TFAP2D: variants seen among roughly 807,000 people sequenced by gnomAD.
TFAP2D encodes the protein transcription factor AP-2 delta.
Under a neutral mutation model 43.6 loss-of-function variants are expected in TFAP2D, and 9 were observed. The observed-to-expected ratio is 0.21, with a 90% CI of 0.12 to 0.36. The LOEUF is 0.36. Ranked by LOEUF, TFAP2D falls within the 10% of genes least tolerant of loss-of-function variation. The pLI is 1.00. For missense variants in TFAP2D, 513 were observed against 561.4 expected (o/e 0.91, Z 0.87); for synonymous variants, 256 against 224.9 (o/e 1.14, Z -1.24).
At chr6:50,733,907 C>T (rs187696334) in intron 5 of TFAP2D, among the ~76,000 whole-genome samples, 2 of 151,910 alleles carry the variant, frequency 1.3e-5, no homozygotes, top group Non-Finnish European at 2.9e-5. Flanking sequence ...ATTATTTAAG[C>T]TCGTAAATAT....
intron 7 of TFAP2D, among the ~76,000 whole-genome samples, chr6:50,761,199 C>G (rs180776653): frequency 4.0e-4 from 60 of 150,114 alleles, no homozygotes; most frequent in Middle Eastern, 6.9e-3. Context: ...GAATAATAAC[C>G]CAAACACCAT....
rs1334843719 is a variant in TFAP2D, at chr6:50,715,140, T to C, written c.64T>C (p.Tyr22His). The C allele has an allele frequency of 1.9e-6, 3 of 1,614,058 alleles. No homozygotes were observed. The highest frequency in any genetic ancestry group is 1.7e-6 in the Non-Finnish European group (2 of 1,180,010). The change falls in exon 2 of 8, where the codon TAC becomes CAC. Residue 22 changes from tyrosine to histidine, a missense_variant. Tyr to His is a moderately conservative substitution (Grantham distance 83). Around this residue, in one of 3 missense-constraint regions of TFAP2D, gnomAD observed 311 missense variants for 316.2 expected, o/e 0.98. Coordinates refer to ENST00000008391, the MANE Select transcript of TFAP2D (RefSeq NM_172238.4). ...AEIRHDGSNS[Y>H]RLMQLGCLES... is the part of the protein sequence containing the mutation. ...GATACGTCACGACGGATCAAACAGC[T>C]ACCGTTTGATGCAGCTTGGCTGTCT...
Position 50,772,658 on chromosome 6 carries a change from G to C in TFAP2D, c.1153G>C (p.Gly385Arg). Residue 385 changes from glycine to arginine, a missense_variant, in exon 8 of 8, where the codon GGC (glycine) becomes CGC (arginine). Gly to Arg is a moderately radical substitution (Grantham distance 125). This residue lies in a region of TFAP2D where 199 missense variants were observed against 227.9 expected (regional missense o/e 0.87). Transcript: ENST00000008391. ...TCTCATTTCCAGTTTGATCACTCAT[G>C]GCTTTGGGACTCCGGCAATATGTGC... The part of the protein sequence containing the change: ...HLTHFSLITH[G>R]FGTPAICAAL... 1 of 1,613,980 alleles carries C rather than the reference G, an allele frequency of 6.2e-7. No homozygotes were observed. The highest frequency in any genetic ancestry group is 8.5e-7 in the Non-Finnish European group (1 of 1,179,936).
intron 7 of TFAP2D, among the ~76,000 whole-genome samples, chr6:50,771,816 T>C (rs1398824970): frequency 6.6e-6 from 1 of 152,158 alleles, no homozygotes; most frequent in African/African-American, 2.4e-5. Flanking sequence ...AGTTCAACCA[T>C]TGTGGAAGTC....
intron 5 of TFAP2D, among the ~76,000 whole-genome samples, chr6:50,740,567 G>A (rs1164079219): frequency 2.0e-5 from 3 of 151,906 alleles, no homozygotes; most frequent in Admixed American, 2.0e-4. Flanking sequence ...TGAGTAGCTA[G>A]GATTGCAGGT....
chr6:50,766,654 CTTTTTTTTTTTTT>C lies in TFAP2D; in HGVS notation c.1140-5978_1140-5966del, dbSNP rs763018088. ...CCTTTTGATACCATGAGATTGCTTTCTTTTTTTTTTTTTTTTTTTTTTTTTGAGACGGAGTCTC... is the reference window on the plus strand; with the variant it reads ...CCTTTTGATACCATGAGATTGCTTTCTTTTTTTTTTTTGAGACGGAGTCTC... On this transcript the variant is annotated intron_variant, in intron 7 of 7. Transcript: ENST00000008391. 1.6e-4 allele frequency among the ~76,000 whole-genome samples: 9 copies of C among 57,390 alleles called. 1 individual carries two copies. The South Asian group carries it at 5.9e-3, about 38-fold the overall frequency. The allele number at this position is 57,390 out of a possible 152,430, so 37.7% of individuals were successfully genotyped here. A position where few individuals can be genotyped will look rare whatever the true frequency, so the allele number is the denominator to read the frequency against.
chr6:50,744,409 T>C (rs919205169), intron 5 of TFAP2D, among the ~76,000 whole-genome samples: 8 of 151,430 alleles, frequency 5.3e-5, no homozygotes, highest in Admixed American at 1.3e-4. Flanking sequence ...ATGGTATATA[T>C]GTACTACATT....
At chr6:50,742,214 C>T (rs1433717343) in intron 5 of TFAP2D, among the ~76,000 whole-genome samples, 2 of 152,004 alleles carry the variant, frequency 1.3e-5, no homozygotes, top group Non-Finnish European at 2.9e-5. Context: ...AACTACATAT[C>T]AGAGTGTCTT....
intron 7 of TFAP2D, among the ~76,000 whole-genome samples, chr6:50,769,689 G>A (rs1439204702): frequency 6.6e-6 from 1 of 152,184 alleles, no homozygotes; most frequent in Non-Finnish European, 1.5e-5. Flanking sequence ...GAGGAACTGA[G>A]CTAAAACTGC....
chr6:50,756,806 G>A (rs1769271333), intron 7 of TFAP2D, among the ~76,000 whole-genome samples: 1 of 151,984 alleles, frequency 6.6e-6, no homozygotes. Context: ...CACAGTTCCT[G>A]GGAATAGTGG....
At chr6:50,726,025 T>C (rs1768803050) in intron 3 of TFAP2D, among the ~76,000 whole-genome samples, 1 of 152,236 alleles carries the variant, frequency 6.6e-6, no homozygotes, top group Admixed American at 6.5e-5. Context: ...TGTGTGTGCA[T>C]AAAGCATACT....
chr6:50,723,332 T>C (rs1768759375), intron 3 of TFAP2D, among the ~76,000 whole-genome samples: 1 of 152,230 alleles, frequency 6.6e-6, no homozygotes, highest in South Asian at 2.1e-4. Flanking sequence ...TTCCTCTGCT[T>C]CTCTGGGTTT....
In TFAP2D at chr6:50,715,479, G is replaced by C. The variant is rs758166320; in HGVS notation, c.403G>C (p.Gly135Arg). ...SCLDEQRREL[G>R]CLDAYRRHDL... ...CCTGGACGAGCAGAGGCGGGAGCTGGGCTGCCTCGATGCCTACCGCCGCCA... is the reference window on the plus strand; with the variant it reads ...CCTGGACGAGCAGAGGCGGGAGCTGCGCTGCCTCGATGCCTACCGCCGCCA... Residue 135 changes from glycine (G) to arginine (R), a missense_variant, in exon 2 of 8, where the codon GGC (glycine) becomes CGC (arginine). This residue lies in a region of TFAP2D where 311 missense variants were observed against 316.2 expected (regional missense o/e 0.98). Coordinates refer to ENST00000008391, the MANE Select transcript of TFAP2D (RefSeq NM_172238.4). The C allele has an allele frequency of 3.7e-6, 6 of 1,613,882 alleles. No individual in the cohort carries two copies. The South Asian group carries it at 5.5e-5, about 15-fold the overall frequency.
Position 50,744,172 on chromosome 6 carries a change from A to AT in TFAP2D, c.884-929dup, listed in dbSNP as rs1332398036. On this transcript the variant is annotated intron_variant, in intron 5 of 7. Transcript: ENST00000008391. ...GTAATAAGCATACTACACAATAGAT[A>AT]TTTTTTCTGATTCTCTCCACCCTCC... 3.9e-5 allele frequency among the ~76,000 whole-genome samples: 6 copies of AT among 152,208 alleles called. No individual in the cohort carries two copies. The East Asian group carries it at 5.8e-4, about 15-fold the overall frequency.
chr6:50,729,792 T>A (rs1226887136), intron 5 of TFAP2D, among the ~76,000 whole-genome samples: 1 of 152,150 alleles, frequency 6.6e-6, no homozygotes, highest in Admixed American at 6.6e-5. Flanking sequence ...AAAGACATGG[T>A]GAACTTTCAA....
intron 6 of TFAP2D, among the ~76,000 whole-genome samples, chr6:50,750,038 T>C (rs1310870615): frequency 6.6e-6 from 1 of 151,940 alleles, no homozygotes; most frequent in Non-Finnish European, 1.5e-5. Flanking sequence ...ATATCATAAG[T>C]GATCTTTGAT....
At chr6:50,738,507 G>A (rs770588168) in intron 5 of TFAP2D, among the ~76,000 whole-genome samples, 4 of 151,972 alleles carry the variant, frequency 2.6e-5, no homozygotes, top group South Asian at 2.1e-4. Flanking sequence ...TAATTACTAT[G>A]TGGTTTCATT....
chr6:50,761,221 C>T (rs903075443), intron 7 of TFAP2D, among the ~76,000 whole-genome samples: 49 of 138,320 alleles, frequency 3.5e-4, no homozygotes, highest in African/African-American at 1.2e-3. Context: ...TCAACCTTCA[C>T]ACACACCAAA....
At chr6:50,736,394 T>A (rs556124474) in intron 5 of TFAP2D, among the ~76,000 whole-genome samples, 1 of 152,268 alleles carries the variant, frequency 6.6e-6, no homozygotes, top group Non-Finnish European at 1.5e-5. Context: ...CATAAATGTC[T>A]TATTCTAAGC....
Sources: gnomAD v4.1 joint callset for allele counts (sites outside exome capture counted in the v4.1 genomes callset) on GRCh38, gnomAD v4.1.1 for gene constraint, gnomAD v4.1.1 regional missense constraint, MANE v1.5 for transcripts, NCBI Gene and HGNC (gene_info 2026-07-23, HGNC 2026-07-21) for gene names.